GALNT17: variants seen among roughly 807,000 people sequenced by gnomAD.
The protein encoded by GALNT17 is UDP-GalNAc:polypeptide N-acetylgalactosaminyltransferase-like 3.
GALNT17 carries 29 observed loss-of-function variants against 63.7 expected under a neutral mutation model. The ratio of observed to expected loss-of-function variants is 0.46; its 90% CI spans 0.34 to 0.62. The LOEUF (loss-of-function observed/expected upper bound fraction) is 0.62, where lower values mean the gene tolerates loss of function less well. Among genes scored for constraint, GALNT17 ranks in the 20% least tolerant of loss-of-function variants. The pLI is 0.01. For missense variants in GALNT17, 603 were observed against 799.6 expected (o/e 0.75, Z 2.97); for synonymous variants, 305 against 318.3 (o/e 0.96, Z 0.45).
intron 5 of GALNT17, among the ~76,000 whole-genome samples, chr7:71,539,794 G>A (rs912939699): frequency 4.6e-5 from 6 of 131,182 alleles, no homozygotes; most frequent in Non-Finnish European, 9.2e-5. Context: ...TCTAACTCCT[G>A]GGCTCAAGCG....
chr7:71,607,326 A>G (rs1790061775), intron 6 of GALNT17, among the ~76,000 whole-genome samples: 1 of 152,262 alleles, frequency 6.6e-6, no homozygotes, highest in Non-Finnish European at 1.5e-5. Context: ...TAAATTGATG[A>G]TGAAAGAATA....
chr7:71,420,544 C>T (rs1344544502), intron 4 of GALNT17, among the ~76,000 whole-genome samples: 2 of 152,166 alleles, frequency 1.3e-5, no homozygotes, highest in Admixed American at 6.5e-5. Flanking sequence ...CTGTATAAAA[C>T]TGTCATGCAA....
chr7:71,695,741 G>A (rs557006454), intron 9 of GALNT17, among the ~76,000 whole-genome samples: 2 of 152,236 alleles, frequency 1.3e-5, no homozygotes, highest in East Asian at 3.9e-4. Context: ...TTCAGTTTGG[G>A]ATTGGGCATT....
intron 3 of GALNT17, among the ~76,000 whole-genome samples, chr7:71,412,829 G>A (rs1182400782): frequency 6.6e-6 from 1 of 152,138 alleles, no homozygotes; most frequent in East Asian, 1.9e-4. Context: ...GATCACTTGA[G>A]GCCAAGAGTT....
At chr7:71,326,229 G>A (rs1251640194) in intron 1 of GALNT17, among the ~76,000 whole-genome samples, 1 of 152,160 alleles carries the variant, frequency 6.6e-6, no homozygotes, top group Non-Finnish European at 1.5e-5. Flanking sequence ...AAGCTGAGGC[G>A]GGGGGATCGC....
intron 1 of GALNT17, among the ~76,000 whole-genome samples, chr7:71,161,882 G>A (rs182926731): frequency 3.3e-5 from 5 of 152,072 alleles, no homozygotes; most frequent in Admixed American, 6.6e-5. Flanking sequence ...AATCATTGCC[G>A]CTTTATGTTA....
chr7:71,259,920 C>T (rs6948108), intron 1 of GALNT17, among the ~76,000 whole-genome samples: 45,315 of 151,940 alleles, frequency 0.3, 6,944 homozygotes, highest in East Asian at 0.49. Context: ...AGATTACAGG[C>T]GTGAGCCACC....
intron 1 of GALNT17, among the ~76,000 whole-genome samples, chr7:71,279,125 A>G (rs952782451): frequency 2.0e-5 from 3 of 151,764 alleles, no homozygotes; most frequent in Non-Finnish European, 4.4e-5. Context: ...GGGTTTCACC[A>G]TGTTGGCCAG....
At chr7:71,372,331 A>G (rs906599191) in intron 2 of GALNT17, among the ~76,000 whole-genome samples, 3 of 151,832 alleles carry the variant, frequency 2.0e-5, no homozygotes, top group African/African-American at 4.8e-5. Context: ...AGCCTGGCTA[A>G]TTTTTGTATT....
intron 2 of GALNT17, among the ~76,000 whole-genome samples, chr7:71,350,176 AT>A (rs1792165545): frequency 6.6e-6 from 1 of 152,248 alleles, no homozygotes; most frequent in Admixed American, 6.5e-5. Context: ...ATTTCAACAA[AT>A]GTTTTCTAGG....
chr7:71,579,162 G>A (rs1789587132), intron 6 of GALNT17, among the ~76,000 whole-genome samples: 1 of 152,196 alleles, frequency 6.6e-6, no homozygotes, highest in Non-Finnish European at 1.5e-5. Flanking sequence ...ACCTTTGTAG[G>A]GCAGAGCCCA....
intron 5 of GALNT17, among the ~76,000 whole-genome samples, chr7:71,539,781 G>T (rs975335457): frequency 2.2e-4 from 28 of 128,536 alleles, no homozygotes; most frequent in Non-Finnish European, 4.3e-4. Context: ...CAGCTCAGCA[G>T]CCTCTAACTC....
chr7:71,696,844 A>G (rs1351606278), intron 9 of GALNT17, among the ~76,000 whole-genome samples: 1 of 152,224 alleles, frequency 6.6e-6, no homozygotes, highest in African/African-American at 2.4e-5. Context: ...TGATTTTTGC[A>G]AGATACTTTT....
intron 2 of GALNT17, among the ~76,000 whole-genome samples, chr7:71,350,956 C>T (rs1277907650): frequency 1.3e-5 from 2 of 152,178 alleles, no homozygotes; most frequent in African/African-American, 2.4e-5. Context: ...GCATGGCCAA[C>T]ATGGCAAAAT....
chr7:71,488,574 C>CTTTTT (rs965444360), intron 5 of GALNT17, among the ~76,000 whole-genome samples: 28 of 100,636 alleles, frequency 2.8e-4, no homozygotes, highest in Non-Finnish European at 4.3e-4. Flanking sequence ...ACTTGCCCTT[C>CTTTTT]TTTTTTTTTT....
intron 5 of GALNT17, among the ~76,000 whole-genome samples, chr7:71,439,421 A>C (rs553973683): frequency 6.6e-6 from 1 of 152,164 alleles, no homozygotes; most frequent in Non-Finnish European, 1.5e-5. Context: ...TGACACGCTG[A>C]TATTGCTGCT....
chr7:71,240,501 C>A (rs1028929670), intron 1 of GALNT17, among the ~76,000 whole-genome samples: 3 of 152,046 alleles, frequency 2.0e-5, no homozygotes, highest in Non-Finnish European at 4.4e-5. Flanking sequence ...TTGTTTAGAT[C>A]CCACTTATAA....
intron 1 of GALNT17, among the ~76,000 whole-genome samples, chr7:71,263,281 C>A (rs969930822): frequency 6.6e-6 from 1 of 151,976 alleles, no homozygotes; most frequent in Non-Finnish European, 1.5e-5. Context: ...ATCATTTGAA[C>A]CCGGGAGGCG....
intron 6 of GALNT17, among the ~76,000 whole-genome samples, chr7:71,623,038 A>G (rs551657547): frequency 1.1e-4 from 17 of 152,194 alleles, no homozygotes; most frequent in South Asian, 2.1e-4. Flanking sequence ...CTACATCACA[A>G]TTCACCTGCC....
Sources: allele counts gnomAD v4.1 joint callset (sites outside exome capture counted in the v4.1 genomes callset), GRCh38; gene constraint gnomAD v4.1.1; transcripts MANE v1.5; gene names NCBI Gene and HGNC (gene_info 2026-07-23, HGNC 2026-07-21).